TEC: variants seen among roughly 807,000 people sequenced by gnomAD.
TEC encodes tec protein tyrosine kinase.
A neutral mutation model predicts 93.0 loss-of-function variants in TEC; 72 were observed. The observed-to-expected ratio is 0.77, with a 90% CI of 0.64 to 0.94. The LOEUF (loss-of-function observed/expected upper bound fraction) is 0.94. Ranked by LOEUF, TEC falls within the 40% of genes least tolerant of loss-of-function variation. TEC has a pLI of 0.00. For missense variants in TEC, 630 were observed against 757.9 expected (o/e 0.83, Z 1.98); for synonymous variants, 249 against 247.7 (o/e 1.01, Z -0.05).
At chr4:48,167,628 A>G in intron 7 of TEC, 150 bp downstream of exon 7, 1 of 637,166 alleles carries the variant, frequency 1.6e-6, no homozygotes, top group South Asian at 2.5e-5. Context: ...CTAAGAAAGG[A>G]CTGTGTTACT....
chr4:48,244,555 T>A (rs1724005361), intron 1 of TEC, among the ~76,000 whole-genome samples: 1 of 152,250 alleles, frequency 6.6e-6, no homozygotes. Flanking sequence ...GAATTCAAGA[T>A]GAAATTTGGG....
chr4:48,242,580 T>C (rs1723947428), intron 1 of TEC, among the ~76,000 whole-genome samples: 1 of 152,236 alleles, frequency 6.6e-6, no homozygotes, highest in Admixed American at 6.5e-5. Context: ...TGTATATTCA[T>C]TTGCATCTTA....
At chr4:48,147,877 A>C (rs1719985774) in intron 11 of TEC, among the ~76,000 whole-genome samples, 1 of 152,188 alleles carries the variant, frequency 6.6e-6, no homozygotes, top group Non-Finnish European at 1.5e-5. Flanking sequence ...TTATCTGATT[A>C]TTTCAATAAA....
chr4:48,267,325 A>C (rs1724664968), intron 1 of TEC, among the ~76,000 whole-genome samples: 1 of 152,222 alleles, frequency 6.6e-6, no homozygotes, highest in East Asian at 1.9e-4. Context: ...GCAGTCAAAC[A>C]TGGTGGGGAA....
At position 48,171,413 on chromosome 4, in the gene TEC, G is replaced by A. The variant is rs1465973033; in HGVS notation, c.280C>T (p.Pro94Ser). ...HDANTLYIFA[P>S]SPQSRDLWVK... Reference sequence around the variant, plus strand: ...CACAGGTCCCTGCTTTGTGGACTAGGTGCAAAAATGTAAAGTGTGTTAGCA... The same window carrying A: ...CACAGGTCCCTGCTTTGTGGACTAGATGCAAAAATGTAAAGTGTGTTAGCA... Residue 94 changes from proline to serine, a missense_variant, in exon 4 of 18, where the codon CCT (proline) becomes TCT (serine). By Grantham distance (74) the Pro-to-Ser change is moderately conservative (BLOSUM62 -1). Transcript: ENST00000381501. 7 of 1,613,284 alleles carry A rather than the reference G, an allele frequency of 4.3e-6. No individual in the cohort carries two copies. The highest frequency in any genetic ancestry group is 1.1e-5 in the South Asian group (1 of 90,876).
At chr4:48,184,770 T>TAC (rs58704241) in intron 2 of TEC, among the ~76,000 whole-genome samples, 11,986 of 140,868 alleles carry the variant, frequency 0.085, 710 homozygotes, top group East Asian at 0.23. Flanking sequence ...ACAAAAAAAA[T>TAC]ACACACACAC....
chr4:48,232,296 CA>C (rs200896687), intron 1 of TEC, among the ~76,000 whole-genome samples: 1 of 128,626 alleles, frequency 7.8e-6, no homozygotes, highest in East Asian at 2.1e-4. Context: ...CTCAAAAAAA[CA>C]AAAAAAACAA....
At chr4:48,163,870 GC>G (rs1720772852) in intron 7 of TEC, 103 bp from the exon 8 acceptor site, 4 of 531,156 alleles carry the variant, frequency 7.5e-6, no homozygotes, top group Non-Finnish European at 1.2e-5. Flanking sequence ...ATTGCTTAAA[GC>G]TTATTATAAG....
intron 15 of TEC, among the ~76,000 whole-genome samples, chr4:48,139,568 A>G (rs566435122): frequency 2.0e-5 from 3 of 152,372 alleles, no homozygotes; most frequent in Non-Finnish European, 4.4e-5. Context: ...GTATTTATAC[A>G]TAACATCCCC....
At chr4:48,176,033 A>T in intron 3 of TEC, 49 bp downstream of exon 3, 2 of 1,420,600 alleles carry the variant, frequency 1.4e-6, no homozygotes, top group Non-Finnish European at 2.0e-6. Flanking sequence ...TCAAAGAGCA[A>T]ACATGACTAA....
At chr4:48,244,102 A>G (rs915370414) in intron 1 of TEC, among the ~76,000 whole-genome samples, 1 of 152,190 alleles carries the variant, frequency 6.6e-6, no homozygotes, top group African/African-American at 2.4e-5. Flanking sequence ...GAAATACAAG[A>G]TGAGTATGAA....
chr4:48,260,893 G>A (rs571635351), intron 1 of TEC, among the ~76,000 whole-genome samples: 15 of 152,312 alleles, frequency 9.8e-5, no homozygotes, highest in Non-Finnish European at 1.6e-4. Context: ...ATTCTCTCTG[G>A]AATGGTTTTA....
At chr4:48,193,925 C>G in intron 2 of TEC, among the ~76,000 whole-genome samples, 1 of 152,088 alleles carries the variant, frequency 6.6e-6, no homozygotes, top group African/African-American at 2.4e-5. Flanking sequence ...TAGGGCAAGA[C>G]AGAAAATGCA....
intron 2 of TEC, among the ~76,000 whole-genome samples, chr4:48,188,036 G>A (rs1257775256): frequency 8.4e-6 from 1 of 118,956 alleles, no homozygotes; most frequent in Non-Finnish European, 2.0e-5. Flanking sequence ...TTCTAGCCAA[G>A]GGGGGCATGG....
Position 48,163,731 on chromosome 4 carries a change from T to C in TEC, c.708A>G (p.Gly236=). The C allele has an allele frequency of 1.3e-6, 2 of 1,506,268 alleles. No individual in the cohort carries two copies. Among genetic ancestry groups the C allele is most frequent in the Non-Finnish European group, 1.8e-6 (2 of 1,106,656 alleles). 93.3% of individuals were successfully genotyped at this position (1,506,268 alleles called of 1,614,324 possible). The change falls in exon 8 of 18, where the codon GGA becomes GGG. Residue 236 remains glycine, a synonymous_variant. Coordinates refer to ENST00000381501, the MANE Select transcript of TEC (RefSeq NM_003215.3). ...EGYIPSNYVT[G]KKSNNLDQYE... is the part of the protein sequence containing the mutation. ...ATTGATCTAAGTTGTTTGATTTCTT[T>C]CCCGTTACGTAATTACTTGGGATAT...
At chr4:48,176,808 T>C (rs959337965) in intron 2 of TEC, among the ~76,000 whole-genome samples, 2 of 152,184 alleles carry the variant, frequency 1.3e-5, no homozygotes, top group Non-Finnish European at 2.9e-5. Flanking sequence ...AACTTCTTCA[T>C]GTTCTTGATG....
rs117963946 is a variant in TEC, at chr4:48,147,328, C to T, written c.1007-929G>A. On this transcript the variant is annotated intron_variant, in intron 11 of 17. Coordinates refer to ENST00000381501, the MANE Select transcript of TEC (RefSeq NM_003215.3). The stretch of plus-strand genomic sequence containing the variant: ...GCAAAAACTAGTACACAACTGTTTA[C>T]AGAAGCATTATTCATAAGAGAACAA... Among the ~76,000 whole-genome samples the T allele has an allele frequency of 7.9e-4, 121 of 152,212 alleles. 1 individual carries two copies. In the East Asian group the frequency reaches 0.017, roughly 22 times the overall value.
intron 2 of TEC, among the ~76,000 whole-genome samples, chr4:48,188,961 G>A (rs1286942338): frequency 6.6e-6 from 1 of 152,124 alleles, no homozygotes; most frequent in African/African-American, 2.4e-5. Context: ...CTCAAGCTGA[G>A]GTGGTTTTAG....
At chr4:48,191,811 G>A (rs532594458) in intron 2 of TEC, among the ~76,000 whole-genome samples, 1 of 152,192 alleles carries the variant, frequency 6.6e-6, no homozygotes, top group Non-Finnish European at 1.5e-5. Context: ...GTGTGGTGGT[G>A]TGCACCTGCA....
Sources: gnomAD v4.1 joint callset for allele counts (sites outside exome capture counted in the v4.1 genomes callset) on GRCh38, gnomAD v4.1.1 for gene constraint, MANE v1.5 for transcripts, NCBI Gene and HGNC (gene_info 2026-07-23, HGNC 2026-07-21) for gene names.